PCDH11X: variants seen among roughly 807,000 people sequenced by gnomAD.
PCDH11X encodes the protein protocadherin 11 X-linked.
Under a neutral mutation model 53.3 loss-of-function variants are expected in PCDH11X, and 18 were observed. That is an observed-to-expected ratio of 0.34 (90% CI 0.23 to 0.50). The LOEUF (loss-of-function observed/expected upper bound fraction) is 0.50. Among genes scored for constraint, PCDH11X ranks in the 20% least tolerant of loss-of-function variants. PCDH11X has a pLI of 0.98. For synonymous variants in PCDH11X, 279 were observed against 393.3 expected, an observed-to-expected ratio of 0.71 and a Z score of 3.44; for missense variants, 570 against 1,032.4, an observed-to-expected ratio of 0.55 and a Z score of 6.14.
chrX:92,266,584 C>T (rs1819629890), intron 8 of PCDH11X, among the ~76,000 whole-genome samples: 1 of 111,698 alleles, frequency 9.0e-6, no homozygotes, highest in Non-Finnish European at 1.9e-5. Flanking sequence ...CGTAGATAAG[C>T]TAGTGGCATT....
chrX:92,465,440 C>A (rs1486157762), intron 9 of PCDH11X, among the ~76,000 whole-genome samples: 2 of 111,832 alleles, frequency 1.8e-5, no homozygotes, highest in African/African-American at 6.5e-5. Context: ...TTCATTAATG[C>A]AGCTTTATTA....
intron 6 of PCDH11X, among the ~76,000 whole-genome samples, chrX:91,920,465 G>A (rs754494869): frequency 1.5e-4 from 16 of 108,998 alleles, no homozygotes; most frequent in African/African-American, 5.0e-4. Flanking sequence ...AAAAGGAGTT[G>A]TGCTCAGTCA....
rs1261414438 is a variant in PCDH11X, at chrX:92,088,313, T to C, written c.3034-113062T>C. On this transcript the variant is annotated intron_variant, in intron 6 of 10. Coordinates refer to ENST00000682573, the MANE Select transcript of PCDH11X (RefSeq NM_032968.5). ...TCTCATTTTTGTTAACAAATAAAAATAAACACACCATAACAACAATTATGT... is the reference window on the plus strand; with the variant it reads ...TCTCATTTTTGTTAACAAATAAAAACAAACACACCATAACAACAATTATGT... Among the ~76,000 whole-genome samples, 7 of 111,487 alleles carry C rather than the reference T, an allele frequency of 6.3e-5. No individual in the cohort carries two copies. The East Asian group carries it at 2.0e-3, about 31-fold the overall frequency.
chrX:92,448,644 C>T (rs181433528), intron 9 of PCDH11X, among the ~76,000 whole-genome samples: 5 of 99,468 alleles, frequency 5.0e-5, no homozygotes, highest in Non-Finnish European at 1.0e-4. Flanking sequence ...GACTAACACA[C>T]GAAATTTCCT....
intron 10 of PCDH11X, among the ~76,000 whole-genome samples, chrX:92,570,491 T>C (rs1922072483): frequency 9.1e-6 from 1 of 109,456 alleles, no homozygotes; most frequent in African/African-American, 3.3e-5. Flanking sequence ...GGTTGCTCCT[T>C]TGAGGTGCCA....
chrX:92,090,963 A>G (rs1266884331), intron 6 of PCDH11X, among the ~76,000 whole-genome samples: 1 of 112,365 alleles, frequency 8.9e-6, no homozygotes, highest in Non-Finnish European at 1.9e-5. Flanking sequence ...AGTAAGCACT[A>G]CAGCTGAAAT....
intron 4 of PCDH11X, among the ~76,000 whole-genome samples, chrX:91,822,962 G>A (rs1936751776): frequency 9.1e-6 from 1 of 110,389 alleles, no homozygotes; most frequent in Non-Finnish European, 1.9e-5. Flanking sequence ...AGGTTGTTCA[G>A]TTTCCATGTA....
intron 10 of PCDH11X, among the ~76,000 whole-genome samples, chrX:92,554,042 A>C (rs1317872093): frequency 9.2e-6 from 1 of 108,304 alleles, no homozygotes; most frequent in African/African-American, 3.4e-5. Context: ...CCAAGAAAAA[A>C]TTTTTTAATC....
intron 6 of PCDH11X, among the ~76,000 whole-genome samples, chrX:92,036,906 G>T (rs569916483): frequency 7.1e-4 from 79 of 111,541 alleles, no homozygotes; most frequent in African/African-American, 2.5e-3. Flanking sequence ...GAACTTATTG[G>T]GAACTGGAGC....
chrX:92,305,419 A>G (rs1444591054), intron 8 of PCDH11X, among the ~76,000 whole-genome samples: 1 of 108,760 alleles, frequency 9.2e-6, no homozygotes, highest in Non-Finnish European at 1.9e-5. Context: ...GTGTGCTCAC[A>G]TGGCCTCTTC....
chrX:92,409,114 G>A (rs1429015038), intron 9 of PCDH11X, among the ~76,000 whole-genome samples: 1 of 104,287 alleles, frequency 9.6e-6, no homozygotes, highest in Non-Finnish European at 1.9e-5. Flanking sequence ...AAGTTTTAAA[G>A]TATTTTGGTG....
chrX:92,278,005 A>G lies in PCDH11X; in HGVS notation c.3144+14862A>G, dbSNP rs28896182. 9.5e-3 allele frequency among the ~76,000 whole-genome samples: 1,057 copies of G among 111,771 alleles called. 77 individuals carry two copies. The East Asian group carries it at 0.24, about 25-fold the overall frequency. Reference sequence around the variant, plus strand: ...TCAGAGAGGCGTCCCTGCAATGATTAAACACCAAGGAAAGGCTGCCTTCCC... The same window carrying G: ...TCAGAGAGGCGTCCCTGCAATGATTGAACACCAAGGAAAGGCTGCCTTCCC... On this transcript the variant is annotated intron_variant, in intron 8 of 10. Transcript: ENST00000682573.
intron 6 of PCDH11X, among the ~76,000 whole-genome samples, chrX:92,181,682 G>A (rs1381231240): frequency 1.8e-5 from 2 of 112,252 alleles, no homozygotes; most frequent in African/African-American, 6.5e-5. Flanking sequence ...GACTAAAAGG[G>A]GCAAAGGTAC....
intron 9 of PCDH11X, among the ~76,000 whole-genome samples, chrX:92,425,475 A>G (rs1288965124): frequency 4.7e-5 from 5 of 106,473 alleles, no homozygotes; most frequent in Admixed American, 1.0e-4. Flanking sequence ...AGAAGTTTGC[A>G]TTTTTCAAAT....
intron 6 of PCDH11X, among the ~76,000 whole-genome samples, chrX:91,886,928 G>A (rs1258421582): frequency 1.8e-4 from 17 of 96,344 alleles, no homozygotes; most frequent in Non-Finnish European, 3.0e-4. Context: ...CCAAGATGGC[G>A]CCACTGCACT....
intron 6 of PCDH11X, among the ~76,000 whole-genome samples, chrX:91,963,966 A>G (rs995676968): frequency 6.3e-5 from 7 of 110,283 alleles, no homozygotes; most frequent in Non-Finnish European, 9.4e-5. Flanking sequence ...CAACCTCATG[A>G]TTAAGTTACC....
chrX:92,041,522 G>A (rs1214252160), intron 6 of PCDH11X, among the ~76,000 whole-genome samples: 3 of 110,564 alleles, frequency 2.7e-5, no homozygotes, highest in East Asian at 5.7e-4. Flanking sequence ...CATTAAAAAC[G>A]TCAATGTAAG....
chrX:92,084,385 T>TA (rs2063913636), intron 6 of PCDH11X, among the ~76,000 whole-genome samples: 1 of 107,468 alleles, frequency 9.3e-6, no homozygotes, highest in Non-Finnish European at 1.9e-5. Context: ...CGGTCTCTAC[T>TA]AAAAATACAA....
rs1338627931 is a variant in PCDH11X, at chrX:92,621,899, C to T, written c.*2959C>T. The T allele has an allele frequency of 9.2e-6, 1 of 109,176 alleles. No individual in the cohort carries two copies. The highest frequency in any genetic ancestry group is 9.9e-5 in the Admixed American group (1 of 10,105). The allele number at this position is 109,176 out of a possible 1,213,427, so 9.0% of individuals were successfully genotyped here. A position where few individuals can be genotyped will look rare whatever the true frequency, so the allele number is the denominator to read the frequency against. On this transcript the variant is annotated 3_prime_UTR_variant, in exon 11 of 11. Coordinates refer to ENST00000682573, the MANE Select transcript of PCDH11X (RefSeq NM_032968.5). ...CAAAGTAGTTATTCTATTTTGTGTCCATATTCCATTAGATTGTGATTATTA... is the reference window on the plus strand; with the variant it reads ...CAAAGTAGTTATTCTATTTTGTGTCTATATTCCATTAGATTGTGATTATTA...
Sources: gnomAD v4.1 joint callset for allele counts (sites outside exome capture counted in the v4.1 genomes callset) on GRCh38, gnomAD v4.1.1 for gene constraint, MANE v1.5 for transcripts, NCBI Gene and HGNC (gene_info 2026-07-23, HGNC 2026-07-21) for gene names.